The following PDE3B variants were observed in gnomAD, a reference collection of about 807,000 sequenced individuals.
The protein encoded by PDE3B is cGMP-inhibited 3',5'-cyclic phosphodiesterase 3B.
PDE3B carries 66 observed loss-of-function variants against 116.8 expected under a neutral mutation model. That is an observed-to-expected ratio of 0.56 (90% CI 0.46 to 0.69). The LOEUF is 0.69. PDE3B is among the 30% of genes least tolerant of loss of function. PDE3B has a pLI of 0.00. For missense variants in PDE3B, 1,384 were observed against 1,368.1 expected, an observed-to-expected ratio of 1.01 and a Z score of -0.18; for synonymous variants, 595 against 533.6, an observed-to-expected ratio of 1.12 and a Z score of -1.59.
chr11:14,661,661 C>T (rs995510387), intron 1 of PDE3B, among the ~76,000 whole-genome samples: 2 of 152,214 alleles, frequency 1.3e-5, no homozygotes, highest in African/African-American at 4.8e-5. Flanking sequence ...TTATATCCCG[C>T]ACCTGGCTCG....
chr11:14,796,533 G>C (rs923033191), intron 4 of PDE3B, among the ~76,000 whole-genome samples: 1 of 152,110 alleles, frequency 6.6e-6, no homozygotes, highest in Admixed American at 6.5e-5. Context: ...AGCATCTGTT[G>C]TTTCCCGACT....
At chr11:14,724,924 C>T (rs1244307270) in intron 1 of PDE3B, among the ~76,000 whole-genome samples, 1 of 152,074 alleles carries the variant, frequency 6.6e-6, no homozygotes. Flanking sequence ...AATATGGAAT[C>T]CAGGGATATA....
the PDE3B span, chr11:14,887,723 T>C: frequency 1.3e-6 from 1 of 762,114 alleles, no homozygotes; most frequent in African/African-American, 1.9e-5. Flanking sequence ...GACCACTCCA[T>C]ACATCCTTCA....
chr11:14,656,310 ATGTAAACTCCCTGAG>A (rs1425078464), intron 1 of PDE3B, among the ~76,000 whole-genome samples: 1 of 152,210 alleles, frequency 6.6e-6, no homozygotes, highest in Non-Finnish European at 1.5e-5. Context: ...TCTAAATGGG[ATGTAAACTCCCTGAG>A]TGTAAGAACT....
At chr11:14,883,811 C>T in the PDE3B span, among the ~76,000 whole-genome samples, 1 of 152,102 alleles carries the variant, frequency 6.6e-6, no homozygotes, top group Non-Finnish European at 1.5e-5. Context: ...TATCCAGAGT[C>T]TACAATGAAC....
intron 5 of PDE3B, among the ~76,000 whole-genome samples, chr11:14,811,350 G>A (rs1392520704): frequency 2.0e-5 from 3 of 152,190 alleles, no homozygotes; most frequent in East Asian, 1.9e-4. Context: ...TTTGTATAAG[G>A]TGTAAGGAAG....
At chr11:14,654,829 C>T (rs867951174) in intron 1 of PDE3B, among the ~76,000 whole-genome samples, 2 of 144,486 alleles carry the variant, frequency 1.4e-5, no homozygotes, top group African/African-American at 5.4e-5. Flanking sequence ...CACACACACA[C>T]ACAGAGCTAG....
chr11:14,752,069 T>C (rs1401793608), intron 1 of PDE3B, among the ~76,000 whole-genome samples: 1 of 152,210 alleles, frequency 6.6e-6, no homozygotes. Flanking sequence ...TTATCAGTGG[T>C]ACTTGCTACA....
intron 11 of PDE3B, among the ~76,000 whole-genome samples, chr11:14,837,407 C>G (rs1052533764): frequency 3.9e-5 from 6 of 152,200 alleles, no homozygotes; most frequent in Non-Finnish European, 8.8e-5. Context: ...ACTACACCTT[C>G]AATGCTTTGC....
At chr11:14,853,108 C>T (rs1188769137) in intron 12 of PDE3B, among the ~76,000 whole-genome samples, 1 of 126,768 alleles carries the variant, frequency 7.9e-6, no homozygotes, top group Non-Finnish European at 1.8e-5. Flanking sequence ...ACTTTCTGTT[C>T]TCCCTGCCCA....
intron 2 of PDE3B, among the ~76,000 whole-genome samples, chr11:14,778,182 T>C (rs1386542164): frequency 6.6e-6 from 1 of 152,168 alleles, no homozygotes; most frequent in East Asian, 1.9e-4. Context: ...TCAAAATGGG[T>C]GGAGCCCACC....
In PDE3B at chr11:14,786,689, G is replaced by A. The variant is rs936563616; in HGVS notation, c.1278+4G>A. The A allele has an allele frequency of 4.4e-6, 7 of 1,602,992 alleles. No individual in the cohort carries two copies. The highest frequency in any genetic ancestry group is 2.7e-5 in the African/African-American group (2 of 74,608). ...AGGGGATAGAAAACTTAACAAGGTC[G>A]AAATACAGTAATCATCTAACCCTAT... On this transcript the variant is annotated splice_donor_region_variant and intron_variant, in intron 3 of 15. Transcript: ENST00000282096.
At chr11:14,649,667 T>C (rs145391067) in intron 1 of PDE3B, among the ~76,000 whole-genome samples, 172 of 152,306 alleles carry the variant, frequency 1.1e-3, no homozygotes, top group Non-Finnish European at 2.2e-3. Context: ...AATCCTATAG[T>C]TTGTAATGAC....
At chr11:14,690,632 T>TA (rs1247772053) in intron 1 of PDE3B, among the ~76,000 whole-genome samples, 1 of 146,144 alleles carries the variant, frequency 6.8e-6, no homozygotes, top group South Asian at 2.2e-4. Flanking sequence ...TTTTTTTTTT[T>TA]AAAGAAGGCC....
intron 7 of PDE3B, among the ~76,000 whole-genome samples, chr11:14,828,483 TA>T (rs1321564803): frequency 6.6e-6 from 1 of 151,542 alleles, no homozygotes; most frequent in Non-Finnish European, 1.5e-5. Context: ...AAAACAAACA[TA>T]AAAAAGTGGG....
chr11:14,777,177 A>G (rs1430390813), intron 2 of PDE3B, among the ~76,000 whole-genome samples: 2 of 152,202 alleles, frequency 1.3e-5, no homozygotes, highest in East Asian at 3.8e-4. Flanking sequence ...CTGTGAGCTT[A>G]AGCATAGATC....
chr11:14,668,538 A>G (rs1431969661), intron 1 of PDE3B, among the ~76,000 whole-genome samples: 1 of 152,128 alleles, frequency 6.6e-6, no homozygotes, highest in Non-Finnish European at 1.5e-5. Context: ...AAGCCATCAG[A>G]TGTTTGAAAA....
chr11:14,889,462 G>A, the PDE3B span, among the ~76,000 whole-genome samples: 1 of 152,176 alleles, frequency 6.6e-6, no homozygotes, highest in Non-Finnish European at 1.5e-5. Context: ...TTATCAACTA[G>A]ATCTAAGGCA....
At chr11:14,813,430 T>C (rs1225726650) in intron 5 of PDE3B, among the ~76,000 whole-genome samples, 1 of 152,130 alleles carries the variant, frequency 6.6e-6, no homozygotes, top group African/African-American at 2.4e-5. Flanking sequence ...GCAATGTCAG[T>C]CTGAATCCTG....
Sources: gnomAD v4.1 joint callset for allele counts (sites outside exome capture counted in the v4.1 genomes callset) on GRCh38, gnomAD v4.1.1 for gene constraint, MANE v1.5 for transcripts, NCBI Gene and HGNC (gene_info 2026-07-23, HGNC 2026-07-21) for gene names.